Variants in KCNJ3 observed in about 807,000 individuals in gnomAD.
KCNJ3 encodes G protein-activated inward rectifier potassium channel 1.
Under a neutral mutation model 39.2 loss-of-function variants are expected in KCNJ3, and 4 were observed. The observed-to-expected ratio is 0.10, with a 90% CI of 0.05 to 0.23. KCNJ3 has a LOEUF of 0.23. KCNJ3 is among the 10% of genes least tolerant of loss of function. The pLI, the probability that KCNJ3 is intolerant of heterozygous loss-of-function variation, is 1.00. For missense variants in KCNJ3, 276 were observed against 634.9 expected, an observed-to-expected ratio of 0.43 and a Z score of 6.08; for synonymous variants, 230 against 237.4, an observed-to-expected ratio of 0.97 and a Z score of 0.29.
intron 2 of KCNJ3, among the ~76,000 whole-genome samples, chr2:154,802,484 G>A (rs945326433): frequency 2.0e-5 from 3 of 151,772 alleles, no homozygotes; most frequent in African/African-American, 7.3e-5. Flanking sequence ...AATAAATAGC[G>A]AGCCACGGAG....
At chr2:154,723,108 C>A (rs940935371) in intron 2 of KCNJ3, among the ~76,000 whole-genome samples, 1 of 151,698 alleles carries the variant, frequency 6.6e-6, no homozygotes, top group African/African-American at 2.4e-5. Context: ...TATAAGAAGA[C>A]CCTCTATCTG....
At chr2:154,816,968 T>A (rs1200500813) in intron 2 of KCNJ3, among the ~76,000 whole-genome samples, 1 of 152,170 alleles carries the variant, frequency 6.6e-6, no homozygotes, top group Non-Finnish European at 1.5e-5. Context: ...TTTTAAATAG[T>A]TTATGACTTT....
chr2:154,836,355 A>T (rs1027189260), intron 2 of KCNJ3, among the ~76,000 whole-genome samples: 4 of 152,008 alleles, frequency 2.6e-5, no homozygotes, highest in Non-Finnish European at 5.9e-5. Context: ...ATTTTAAGGA[A>T]GTCACTGTTT....
chr2:154,840,938 C>CTGAT (rs1687564745), intron 2 of KCNJ3, among the ~76,000 whole-genome samples: 1 of 152,046 alleles, frequency 6.6e-6, no homozygotes, highest in Non-Finnish European at 1.5e-5. Flanking sequence ...TTTGTCTTTC[C>CTGAT]TGATTGCCCT....
chr2:154,835,713 T>G (rs920082064), intron 2 of KCNJ3, among the ~76,000 whole-genome samples: 2 of 152,058 alleles, frequency 1.3e-5, no homozygotes, highest in South Asian at 2.1e-4. Context: ...CTTCCTTGTT[T>G]AGACGTTAGC....
At chr2:154,843,680 A>ATTGAT (rs1316659332) in intron 2 of KCNJ3, among the ~76,000 whole-genome samples, 1 of 152,048 alleles carries the variant, frequency 6.6e-6, no homozygotes, top group African/African-American at 2.4e-5. Flanking sequence ...ATTTTATTTC[A>ATTGAT]TTGATTTGAT....
intron 2 of KCNJ3, among the ~76,000 whole-genome samples, chr2:154,788,525 A>G (rs1485136197): frequency 2.6e-5 from 4 of 152,100 alleles, no homozygotes; most frequent in Non-Finnish European, 5.9e-5. Context: ...CAGATGTCTT[A>G]TCATTTTTTC....
At chr2:154,783,000 A>C (rs1686465113) in intron 2 of KCNJ3, among the ~76,000 whole-genome samples, 1 of 152,090 alleles carries the variant, frequency 6.6e-6, no homozygotes, top group African/African-American at 2.4e-5. Flanking sequence ...AACATGGGGA[A>C]ACCCCGTCTC....
chr2:154,762,312 T>G (rs1253591771), intron 2 of KCNJ3, among the ~76,000 whole-genome samples: 1 of 152,250 alleles, frequency 6.6e-6, no homozygotes, highest in East Asian at 1.9e-4. Flanking sequence ...ATATTATGTA[T>G]CAAATAACAA....
intron 2 of KCNJ3, among the ~76,000 whole-genome samples, chr2:154,793,545 A>G (rs963810832): frequency 6.6e-6 from 1 of 152,098 alleles, no homozygotes; most frequent in African/African-American, 2.4e-5. Context: ...TGGGCTTACC[A>G]TGACTACATG....
chr2:154,721,224 G>C (rs1225689923), intron 2 of KCNJ3, among the ~76,000 whole-genome samples: 6 of 151,948 alleles, frequency 3.9e-5, no homozygotes, highest in African/African-American at 1.4e-4. Context: ...CAAAAGGTCA[G>C]GTCTTTTAAG....
At chr2:154,828,853 A>AAAC (rs1311773712) in intron 2 of KCNJ3, among the ~76,000 whole-genome samples, 1 of 152,204 alleles carries the variant, frequency 6.6e-6, no homozygotes, top group Non-Finnish European at 1.5e-5. Flanking sequence ...TGAGTTTTTC[A>AAAC]AACAAAATAC....
At chr2:154,779,536 T>C (rs1574459535) in intron 2 of KCNJ3, among the ~76,000 whole-genome samples, 1 of 146,602 alleles carries the variant, frequency 6.8e-6, no homozygotes, top group Admixed American at 6.9e-5. Flanking sequence ...TATATAGTTA[T>C]ATATATATTT....
At position 154,702,461 on chromosome 2, in the gene KCNJ3, A is replaced by G. The variant is rs141793470; in HGVS notation, c.702+2984A>G. Among the ~76,000 whole-genome samples, 326 of 152,030 alleles carry G rather than the reference A, an allele frequency of 2.1e-3. 1 individual carries two copies. The highest frequency in any genetic ancestry group is 7.5e-3 in the African/African-American group (310 of 41,564). ...AATAAGAACATGGGCATGGCTTTCTAATGCTTTCTGTTATGAAATTTCTCA... is the reference window on the plus strand; with the variant it reads ...AATAAGAACATGGGCATGGCTTTCTGATGCTTTCTGTTATGAAATTTCTCA... On this transcript the variant is annotated intron_variant, in intron 1 of 2. Coordinates refer to ENST00000295101, the MANE Select transcript of KCNJ3 (RefSeq NM_002239.4).
intron 2 of KCNJ3, among the ~76,000 whole-genome samples, chr2:154,737,737 TG>T (rs1685573208): frequency 6.6e-6 from 1 of 152,146 alleles, no homozygotes; most frequent in Non-Finnish European, 1.5e-5. Context: ...TTTGAAGACA[TG>T]GTAATGGAGA....
intron 2 of KCNJ3, among the ~76,000 whole-genome samples, chr2:154,801,871 C>T (rs571322392): frequency 6.6e-6 from 1 of 152,274 alleles, no homozygotes; most frequent in South Asian, 2.1e-4. Context: ...AAGCGATTCA[C>T]CTGCCTTGGC....
intron 2 of KCNJ3, among the ~76,000 whole-genome samples, chr2:154,799,447 T>A (rs866827155): frequency 6.6e-6 from 1 of 152,148 alleles, no homozygotes; most frequent in Non-Finnish European, 1.5e-5. Context: ...TTTAAAGCAA[T>A]TCCTGATAGA....
chr2:154,775,369 A>G (rs1221835733), intron 2 of KCNJ3, among the ~76,000 whole-genome samples: 1 of 152,180 alleles, frequency 6.6e-6, no homozygotes, highest in African/African-American at 2.4e-5. Flanking sequence ...TTATTACGCT[A>G]TTCTGGAATC....
At chr2:154,778,929 C>T (rs748871510) in intron 2 of KCNJ3, among the ~76,000 whole-genome samples, 29 of 152,036 alleles carry the variant, frequency 1.9e-4, no homozygotes, top group Non-Finnish European at 3.7e-4. Context: ...AGGGTTGATG[C>T]AATGCCCTAA....
Sources: allele counts gnomAD v4.1 joint callset (sites outside exome capture counted in the v4.1 genomes callset), GRCh38; gene constraint gnomAD v4.1.1; transcripts MANE v1.5; gene names NCBI Gene and HGNC (gene_info 2026-07-23, HGNC 2026-07-21).